ZNF385D: variants seen among roughly 807,000 people sequenced by gnomAD.
ZNF385D encodes the protein zinc finger protein 385D, also known as zinc finger protein 659.
ZNF385D carries 15 observed loss-of-function variants against 35.8 expected under a neutral mutation model. The observed-to-expected ratio is 0.42, with a 90% CI of 0.28 to 0.64. The LOEUF is 0.64. Among genes scored for constraint, ZNF385D ranks in the 30% least tolerant of loss-of-function variants. ZNF385D has a pLI of 0.23. For missense variants in ZNF385D, 474 were observed against 494.6 expected (o/e 0.96, Z 0.39); for synonymous variants, 212 against 186.8 (o/e 1.13, Z -1.10).
intron 3 of ZNF385D, among the ~76,000 whole-genome samples, chr3:22,039,614 G>A (rs1342671223): frequency 1.3e-5 from 2 of 152,032 alleles, no homozygotes; most frequent in African/African-American, 4.8e-5. Flanking sequence ...CCTACAAAAT[G>A]ACAATTTCAT....
At chr3:21,780,699 T>C (rs2071456621) in intron 3 of ZNF385D, among the ~76,000 whole-genome samples, 1 of 152,032 alleles carries the variant, frequency 6.6e-6, no homozygotes, top group Non-Finnish European at 1.5e-5. Context: ...GACATTCTAA[T>C]AGGGTAACCC....
chr3:22,346,925 G>T (rs1354920521), intron 2 of ZNF385D, among the ~76,000 whole-genome samples: 1 of 152,178 alleles, frequency 6.6e-6, no homozygotes, highest in Non-Finnish European at 1.5e-5. Flanking sequence ...TTTATGATCA[G>T]TCAGATGTTG....
chr3:22,030,296 T>TCCTATTTG (rs1485385805), intron 3 of ZNF385D, among the ~76,000 whole-genome samples: 1 of 100,206 alleles, frequency 1.0e-5, no homozygotes, highest in African/African-American at 4.2e-5. Flanking sequence ...TATATATATA[T>TCCTATTTG]ATATATCCTA....
chr3:22,142,164 G>A (rs1704546291), intron 3 of ZNF385D, among the ~76,000 whole-genome samples: 1 of 152,100 alleles, frequency 6.6e-6, no homozygotes, highest in Non-Finnish European at 1.5e-5. Flanking sequence ...CAGTATTATT[G>A]GGTGTTGTTG....
chr3:21,793,483 G>C (rs890176521), intron 3 of ZNF385D, among the ~76,000 whole-genome samples: 3 of 152,338 alleles, frequency 2.0e-5, no homozygotes, highest in Middle Eastern at 3.4e-3. Context: ...TAGTGAATTA[G>C]AATTTGCATT....
chr3:21,658,880 C>T (rs902039023), intron 2 of ZNF385D, among the ~76,000 whole-genome samples: 7 of 151,994 alleles, frequency 4.6e-5, no homozygotes, highest in East Asian at 1.9e-4. Context: ...ACAAATGAAG[C>T]AAACTCTAGA....
intron 1 of ZNF385D, among the ~76,000 whole-genome samples, chr3:21,687,086 G>A (rs2067129031): frequency 1.3e-5 from 2 of 152,136 alleles, no homozygotes; most frequent in African/African-American, 4.8e-5. Flanking sequence ...ATTGTCTGGA[G>A]AACAATAGGT....
At chr3:22,152,458 C>G (rs942185879) in intron 3 of ZNF385D, among the ~76,000 whole-genome samples, 2 of 152,140 alleles carry the variant, frequency 1.3e-5, no homozygotes, top group Admixed American at 6.6e-5. Flanking sequence ...GAAATGGATT[C>G]TATGGGGTGA....
chr3:22,163,136 A>T (rs912442681), intron 3 of ZNF385D, among the ~76,000 whole-genome samples: 1 of 152,126 alleles, frequency 6.6e-6, no homozygotes, highest in Non-Finnish European at 1.5e-5. Flanking sequence ...CTATAAGAGA[A>T]GGAACGAGCT....
chr3:21,766,857 C>G (rs1356391999), intron 3 of ZNF385D, among the ~76,000 whole-genome samples: 1 of 151,894 alleles, frequency 6.6e-6, no homozygotes, highest in Non-Finnish European at 1.5e-5. Flanking sequence ...TGTAGGTGAA[C>G]CAGTGTACTG....
intron 2 of ZNF385D, among the ~76,000 whole-genome samples, chr3:22,351,589 G>T (rs2125497510): frequency 6.6e-6 from 1 of 152,142 alleles, no homozygotes; most frequent in Admixed American, 6.5e-5. Flanking sequence ...TACAAATATA[G>T]CTTCAAATAC....
chr3:21,660,093 T>C (rs879519206), intron 2 of ZNF385D, among the ~76,000 whole-genome samples: 15 of 150,468 alleles, frequency 1.0e-4, no homozygotes, highest in South Asian at 2.2e-4. Context: ...TGCTAGGACT[T>C]GATCTCTCTC....
intron 2 of ZNF385D, among the ~76,000 whole-genome samples, chr3:21,588,833 C>T (rs1382148032): frequency 6.6e-6 from 1 of 152,062 alleles, no homozygotes; most frequent in Admixed American, 6.6e-5. Flanking sequence ...CTGGCACTCA[C>T]CCAGAGAAAA....
intron 1 of ZNF385D, among the ~76,000 whole-genome samples, chr3:21,709,021 C>T (rs754609076): frequency 3.3e-5 from 5 of 152,156 alleles, no homozygotes; most frequent in African/African-American, 7.2e-5. Flanking sequence ...GATTTAGGAA[C>T]ACATGGGTAG....
intron 2 of ZNF385D, among the ~76,000 whole-genome samples, chr3:22,328,004 CATT>C (rs1644750485): frequency 1.3e-5 from 2 of 152,118 alleles, no homozygotes; most frequent in Non-Finnish European, 1.5e-5. Context: ...TAAATATACA[CATT>C]ATTTTCTATT....
chr3:21,888,932 A>G (rs975877010), intron 3 of ZNF385D, among the ~76,000 whole-genome samples: 5 of 152,210 alleles, frequency 3.3e-5, no homozygotes, highest in African/African-American at 1.2e-4. Context: ...TATCAGAAAA[A>G]TTACTTTACT....
At chr3:22,307,550 A>G (rs531888181) in intron 2 of ZNF385D, among the ~76,000 whole-genome samples, 1 of 152,226 alleles carries the variant, frequency 6.6e-6, no homozygotes, top group East Asian at 1.9e-4. Context: ...CATTTCTCCA[A>G]CCACATCCAT....
chr3:22,011,368 A>G (rs182908928), intron 3 of ZNF385D, among the ~76,000 whole-genome samples: 4 of 152,140 alleles, frequency 2.6e-5, no homozygotes, highest in Non-Finnish European at 4.4e-5. Context: ...AAATATATCT[A>G]TCATTAAAAT....
intron 5 of ZNF385D, 59 bp downstream of exon 5, chr3:21,436,911 T>C: frequency 6.7e-7 from 1 of 1,494,284 alleles, no homozygotes; most frequent in Non-Finnish European, 9.2e-7. Context: ...AGATCTAATC[T>C]ATTCAGAGGA....
Sources: allele counts gnomAD v4.1 joint callset (sites outside exome capture counted in the v4.1 genomes callset), GRCh38; gene constraint gnomAD v4.1.1; transcripts MANE v1.5; gene names NCBI Gene and HGNC (gene_info 2026-07-23, HGNC 2026-07-21).